ZNG1A: variants seen among roughly 807,000 people sequenced by gnomAD.
The protein encoded by ZNG1A is Zn regulated GTPase metalloprotein activator 1A, also known as zinc-regulated GTPase metalloprotein activator 1A.
chr9:139,334 G>A, the ZNG1A span, among the ~76,000 whole-genome samples: 1,178 of 146,650 alleles, frequency 8.0e-3, 6 homozygotes, highest in Middle Eastern at 0.029. Flanking sequence ...TAGAAAGAGT[G>A]TAGAATGGTG....
chr9:172,334 T>A, the ZNG1A span: 18 of 789,160 alleles, frequency 2.3e-5, no homozygotes, highest in African/African-American at 2.8e-4. Context: ...CCGTCCCATA[T>A]TTACCAGTGA....
At chr9:166,018 G>A in the ZNG1A span, 3 of 147,708 alleles carry the variant, frequency 2.0e-5, no homozygotes, top group Non-Finnish European at 4.4e-5. Flanking sequence ...AAGTAGAGCC[G>A]AGGAATGAAT....
the ZNG1A span, among the ~76,000 whole-genome samples, chr9:139,392 G>A: frequency 6.7e-6 from 1 of 148,778 alleles, no homozygotes; most frequent in African/African-American, 2.6e-5. Context: ...GCTATTCAAG[G>A]GGTATAAAGC....
At chr9:177,391 G>C in the ZNG1A span, among the ~76,000 whole-genome samples, 2 of 151,940 alleles carry the variant, frequency 1.3e-5, no homozygotes, top group Non-Finnish European at 2.9e-5. Context: ...CCAAATGGTT[G>C]GGATCACAGA....
the ZNG1A span, among the ~76,000 whole-genome samples, chr9:158,816 G>T: frequency 6.6e-6 from 1 of 151,834 alleles, no homozygotes; most frequent in Non-Finnish European, 1.5e-5. Context: ...CCTCTTCTAT[G>T]CCCATAGGAA....
chr9:176,250 A>G, the ZNG1A span, among the ~76,000 whole-genome samples: 2 of 140,262 alleles, frequency 1.4e-5, no homozygotes, highest in East Asian at 4.0e-4. Context: ...AACTTTATCC[A>G]GCAGGTGGCA....
the ZNG1A span, chr9:161,615 G>A: frequency 7.8e-7 from 1 of 1,286,596 alleles, no homozygotes; most frequent in Non-Finnish European, 1.0e-6. Context: ...GTCAGTGGGT[G>A]GGATGATTTC....
chr9:127,575 G>C, the ZNG1A span, among the ~76,000 whole-genome samples: 2 of 152,238 alleles, frequency 1.3e-5, no homozygotes, highest in African/African-American at 4.8e-5. Flanking sequence ...GAGTCCTTAT[G>C]TGTTAGGTGA....
the ZNG1A span, among the ~76,000 whole-genome samples, chr9:129,764 AAT>A: frequency 1.7e-5 from 2 of 119,326 alleles, 1 homozygote; most frequent in South Asian, 5.5e-4. Context: ...GACAGTTAAC[AAT>A]ACTATATTGT....
the ZNG1A span, among the ~76,000 whole-genome samples, chr9:139,032 T>C: frequency 1.3e-5 from 2 of 149,532 alleles, no homozygotes; most frequent in South Asian, 4.2e-4. Flanking sequence ...GACATGTCCA[T>C]TTTCATGATC....
At chr9:166,565 A>G in the ZNG1A span, 3 of 152,688 alleles carry the variant, frequency 2.0e-5, no homozygotes, top group African/African-American at 4.8e-5. Flanking sequence ...CTGGAAGGAT[A>G]CATAACCCAA....
At chr9:140,982 G>C in the ZNG1A span, among the ~76,000 whole-genome samples, 1 of 137,214 alleles carries the variant, frequency 7.3e-6, no homozygotes, top group Admixed American at 7.5e-5. Context: ...AAGAAGGGAA[G>C]TTTAGAGAAA....
chr9:171,396 A>C, the ZNG1A span, among the ~76,000 whole-genome samples: 19,199 of 118,416 alleles, frequency 0.16, 1,567 homozygotes, highest in African/African-American at 0.34. Context: ...TTTATGCAAA[A>C]TGAAAATAAA....
At chr9:128,941 A>C in the ZNG1A span, among the ~76,000 whole-genome samples, 28 of 151,798 alleles carry the variant, frequency 1.8e-4, no homozygotes, top group Non-Finnish European at 1.9e-4. Context: ...AGTGATTGCT[A>C]TCTCTCTTCT....
At chr9:140,133 G>A in the ZNG1A span, among the ~76,000 whole-genome samples, 41,923 of 146,884 alleles carry the variant, frequency 0.29, 7,295 homozygotes, top group African/African-American at 0.35. Context: ...CAAAGCAGCC[G>A]GGAAGCTCGA....
chr9:166,561 G>C, the ZNG1A span: 1 of 152,620 alleles, frequency 6.6e-6, no homozygotes, highest in Non-Finnish European at 1.5e-5. Flanking sequence ...CATTCTGGAA[G>C]GATACATAAC....
the ZNG1A span, among the ~76,000 whole-genome samples, chr9:164,673 A>T: frequency 2.1e-5 from 3 of 146,004 alleles, no homozygotes; most frequent in East Asian, 6.0e-4. Flanking sequence ...TTCAGTACCA[A>T]ACCACATACC....
chr9:167,677 T>A, the ZNG1A span: 58 of 150,222 alleles, frequency 3.9e-4, 6 homozygotes, highest in African/African-American at 1.3e-3. Context: ...ACATAAAGAA[T>A]ATGATCAACA....
At chr9:156,383 T>A in the ZNG1A span, 1,022,750 of 1,444,476 alleles carry the variant, frequency 0.71, 363,831 homozygotes, top group South Asian at 0.72. Flanking sequence ...TTTCCTTGAC[T>A]ATGTTTTAAA....
Sources: allele counts gnomAD v4.1 joint callset (sites outside exome capture counted in the v4.1 genomes callset), GRCh38; gene constraint gnomAD v4.1.1; transcripts MANE v1.5; gene names NCBI Gene and HGNC (gene_info 2026-07-23, HGNC 2026-07-21).